The following COL5A2 variants were observed in gnomAD, a reference collection of about 807,000 sequenced individuals.
COL5A2 encodes the protein collagen type V alpha 2 chain, also known as collagen alpha-2(V) chain.
In COL5A2, 23 loss-of-function variants were observed where a neutral mutation model predicts 208.2. The observed-to-expected ratio is 0.11, with a 90% CI of 0.08 to 0.16. COL5A2 has a LOEUF of 0.16. Among genes scored for constraint, COL5A2 ranks in the 10% least tolerant of loss-of-function variants. The pLI is 1.00. For synonymous variants in COL5A2, 625 were observed against 628.5 expected, an observed-to-expected ratio of 0.99 and a Z score of 0.08; for missense variants, 1,590 against 1,956.4, an observed-to-expected ratio of 0.81 and a Z score of 3.53.
At position 189,203,205 on chromosome 2, in the gene COL5A2, A is replaced by C. The variant is rs369355629; in HGVS notation, c.-42+21943T>G. Reference sequence around the variant, plus strand: ...TGCCTTATTTATTTGCACCCTCCCAAATCTAAAAGTGGCATTGCTTTCAAG... The same window carrying C: ...TGCCTTATTTATTTGCACCCTCCCACATCTAAAAGTGGCATTGCTTTCAAG... On this transcript the variant is annotated intron_variant, in intron 1 of 10. Transcript: ENST00000649966. Among the ~76,000 whole-genome samples the C allele has an allele frequency of 7.2e-5, 11 of 152,328 alleles. No individual in the cohort carries two copies. The South Asian group carries it at 2.3e-3, about 32-fold the overall frequency.
chr2:189,068,228 T>G lies in COL5A2; in HGVS notation c.1300A>C (p.Thr434Pro). 1.2e-6 allele frequency: 2 copies of G among 1,613,904 alleles called. No individual in the cohort carries two copies. The highest frequency in any genetic ancestry group is 4.5e-5 in the East Asian group (2 of 44,886). ...TDGTPGAKGP[T>P]GSPGTSGPPG... is the part of the protein sequence containing the mutation. ...CATGCCATAAATGCAGTACTCACCGTTGGGCCTTTGGCACCAGGAGTACCA... is the reference window on the plus strand; with the variant it reads ...CATGCCATAAATGCAGTACTCACCGGTGGGCCTTTGGCACCAGGAGTACCA... The change falls in exon 20 of 54, where the codon ACG becomes CCG. Residue 434 changes from threonine (T) to proline (P), a missense_variant and splice_region_variant. Transcript: ENST00000374866.
At chr2:189,099,828 A>G (rs758651461) in intron 4 of COL5A2, among the ~76,000 whole-genome samples, 8 of 152,152 alleles carry the variant, frequency 5.3e-5, no homozygotes, top group Non-Finnish European at 1.0e-4. Flanking sequence ...AACTAGTACT[A>G]ATATTAACTA....
At chr2:189,095,690 A>C (rs977876613) in intron 6 of COL5A2, 7 of 152,134 alleles carry the variant, frequency 4.6e-5, no homozygotes, top group African/African-American at 1.7e-4. Flanking sequence ...GTCCTACAAC[A>C]ACTTCTACCT....
chr2:189,270,420 G>A, the COL5A2 span, among the ~76,000 whole-genome samples: 2 of 152,194 alleles, frequency 1.3e-5, no homozygotes, highest in Admixed American at 6.5e-5. Context: ...ATTCTGGTAC[G>A]TTGTGTCTTT....
chr2:189,302,222 T>C, the COL5A2 span, among the ~76,000 whole-genome samples: 1 of 152,166 alleles, frequency 6.6e-6, no homozygotes, highest in Non-Finnish European at 1.5e-5. Context: ...TTCCTATGAA[T>C]CACATAATTC....
intron 1 of COL5A2, among the ~76,000 whole-genome samples, chr2:189,169,835 C>T (rs1304887045): frequency 2.0e-5 from 3 of 152,180 alleles, no homozygotes; most frequent in African/African-American, 7.2e-5. Flanking sequence ...CTCAGCTTCC[C>T]GAGTAGCTGG....
At chr2:189,208,603 C>T (rs200010647) in intron 1 of COL5A2, among the ~76,000 whole-genome samples, 20 of 152,162 alleles carry the variant, frequency 1.3e-4, no homozygotes, top group Non-Finnish European at 2.4e-4. Context: ...AGAATAGAAA[C>T]GAAGGATTGG....
chr2:189,135,331 T>G (rs1687807296), intron 1 of COL5A2, among the ~76,000 whole-genome samples: 1 of 152,192 alleles, frequency 6.6e-6, no homozygotes, highest in South Asian at 2.1e-4. Context: ...TGGAGATATT[T>G]TATGAGAAAA....
At chr2:189,327,072 A>AAATAATAAT in the COL5A2 span, among the ~76,000 whole-genome samples, 40 of 148,228 alleles carry the variant, frequency 2.7e-4, no homozygotes, top group African/African-American at 8.2e-4. Flanking sequence ...TTCTGTCTCG[A>AAATAATAAT]AATAATAATA....
At chr2:189,309,785 A>T in the COL5A2 span, among the ~76,000 whole-genome samples, 1 of 152,220 alleles carries the variant, frequency 6.6e-6, no homozygotes, top group Non-Finnish European at 1.5e-5. Context: ...ACCATCTGCC[A>T]GACTTTTGTC....
the COL5A2 span, among the ~76,000 whole-genome samples, chr2:189,265,228 A>C: frequency 2.0e-5 from 3 of 152,194 alleles, no homozygotes; most frequent in Non-Finnish European, 1.5e-5. Context: ...AATCAGCAAA[A>C]GAAAAAAATA....
At chr2:189,045,263 C>G in intron 46 of COL5A2, 31 bp from the exon 47 acceptor site, 3 of 1,536,180 alleles carry the variant, frequency 2.0e-6, no homozygotes, top group Non-Finnish European at 2.7e-6. Context: ...AAAAAATTGG[C>G]ATGTAAAAAA....
the COL5A2 span, among the ~76,000 whole-genome samples, chr2:189,391,819 T>G: frequency 2.0e-5 from 3 of 152,152 alleles, no homozygotes; most frequent in Non-Finnish European, 4.4e-5. Flanking sequence ...CTAAAATTAT[T>G]TGATTTTTTG....
chr2:189,104,399 C>T (rs1449300115), intron 2 of COL5A2, 122 bp from the exon 3 acceptor site: 3 of 743,148 alleles, frequency 4.0e-6, no homozygotes, highest in Non-Finnish European at 7.2e-6. Context: ...AGTGATTACA[C>T]TATCAGCAGT....
chr2:189,238,686 C>T, the COL5A2 span, among the ~76,000 whole-genome samples: 4 of 152,246 alleles, frequency 2.6e-5, no homozygotes, highest in Admixed American at 2.0e-4. Flanking sequence ...CCACCTTCTT[C>T]ACCAGGTGGC....
chr2:189,375,559 A>G, the COL5A2 span, among the ~76,000 whole-genome samples: 1 of 152,174 alleles, frequency 6.6e-6, no homozygotes, highest in Non-Finnish European at 1.5e-5. Flanking sequence ...ACTCTTTCAG[A>G]GATAATGTTA....
the COL5A2 span, among the ~76,000 whole-genome samples, chr2:189,339,323 C>T: frequency 6.7e-6 from 1 of 150,346 alleles, no homozygotes; most frequent in Non-Finnish European, 1.5e-5. Flanking sequence ...TGCACTCCAG[C>T]CTATACAACA....
At chr2:189,104,305 A>G (rs1259529157) in intron 2 of COL5A2, 28 bp from the exon 3 acceptor site, 3 of 1,410,532 alleles carry the variant, frequency 2.1e-6, no homozygotes, top group South Asian at 2.3e-5. Context: ...TAAATGTGTT[A>G]TTTTATGAGG....
the COL5A2 span, among the ~76,000 whole-genome samples, chr2:189,390,504 T>C: frequency 6.6e-6 from 1 of 152,176 alleles, no homozygotes; most frequent in African/African-American, 2.4e-5. Context: ...ATATGAATCA[T>C]ATGAAATATG....
Sources: allele counts gnomAD v4.1 joint callset (sites outside exome capture counted in the v4.1 genomes callset), GRCh38; gene constraint gnomAD v4.1.1; transcripts MANE v1.5; gene names NCBI Gene and HGNC (gene_info 2026-07-23, HGNC 2026-07-21).